SORBS2: variants seen among roughly 807,000 people sequenced by gnomAD.
The protein encoded by SORBS2 is sorbin and SH3 domain containing 2.
In SORBS2, 46 loss-of-function variants were observed where a neutral mutation model predicts 97.7. The observed-to-expected ratio is 0.47, with a 90% confidence interval of 0.37 to 0.60. SORBS2 has a LOEUF of 0.60. SORBS2 is among the 20% of genes least tolerant of loss of function. SORBS2 has a pLI of 0.00. For missense variants in SORBS2, 1,316 were observed against 1,282.3 expected (o/e 1.03, Z -0.40); for synonymous variants, 476 against 473.4 (o/e 1.01, Z -0.07).
chr4:185,868,202 G>C (rs1165421632), intron 1 of SORBS2, among the ~76,000 whole-genome samples: 2 of 121,560 alleles, frequency 1.6e-5, no homozygotes, highest in Non-Finnish European at 3.2e-5. Context: ...TGTCACCCAG[G>C]CTGGAGTGCA....
rs372166711 is a variant in SORBS2 at position 185,858,017 on chromosome 4, C to T, written c.-337-82651G>A. 3.6e-4 allele frequency among the ~76,000 whole-genome samples: 55 copies of T among 152,260 alleles called. 1 individual carries two copies. The South Asian group carries it at 0.01, about 29-fold the overall frequency. On this transcript the variant is annotated intron_variant, in intron 1 of 20. Transcript: ENST00000284776. Reference sequence around the variant, plus strand: ...AAGTATGTGATCTCTGTGACCTACTCCCTGTTCATACATCCCCTCCCTTTT... The same window carrying T: ...AAGTATGTGATCTCTGTGACCTACTTCCTGTTCATACATCCCCTCCCTTTT...
At chr4:185,628,029 T>C (rs1055380021) in intron 5 of SORBS2, among the ~76,000 whole-genome samples, 3 of 152,224 alleles carry the variant, frequency 2.0e-5, no homozygotes, top group African/African-American at 7.2e-5. Context: ...TTTGTATTGC[T>C]GAGTCACATT....
At chr4:185,896,093 G>A (rs1286979291) in intron 1 of SORBS2, among the ~76,000 whole-genome samples, 1 of 152,186 alleles carries the variant, frequency 6.6e-6, no homozygotes, top group Non-Finnish European at 1.5e-5. Flanking sequence ...TTAGGCCAAA[G>A]AATCTCACTT....
chr4:185,628,609 A>G (rs2096856514), intron 5 of SORBS2, among the ~76,000 whole-genome samples: 3 of 152,104 alleles, frequency 2.0e-5, no homozygotes, highest in Admixed American at 6.5e-5. Flanking sequence ...AAAGTTAGCC[A>G]GTTGTGTCAT....
chr4:185,696,141 G>A (rs1268671733), intron 2 of SORBS2, among the ~76,000 whole-genome samples: 1 of 152,126 alleles, frequency 6.6e-6, no homozygotes, highest in Non-Finnish European at 1.5e-5. Context: ...ATGAACATGA[G>A]GCCGTTGATA....
upstream of SORBS2, among the ~76,000 whole-genome samples, chr4:185,659,442 A>G (rs2153472189): frequency 6.8e-6 from 1 of 146,518 alleles, no homozygotes; most frequent in Middle Eastern, 3.5e-3. Context: ...TTTGAGACGG[A>G]GTCTTGCTCA....
chr4:185,853,223 G>C (rs952838470), intron 1 of SORBS2, among the ~76,000 whole-genome samples: 4 of 152,164 alleles, frequency 2.6e-5, no homozygotes, highest in Non-Finnish European at 2.9e-5. Context: ...ACCATCTGGG[G>C]AGTGAGGTAT....
chr4:185,676,566 G>A (rs188622749), intron 4 of SORBS2, among the ~76,000 whole-genome samples: 122 of 152,256 alleles, frequency 8.0e-4, no homozygotes, highest in Non-Finnish European at 1.5e-3. Context: ...CCCTGCCAAA[G>A]CAAATTATAA....
intron 4 of SORBS2, among the ~76,000 whole-genome samples, chr4:185,644,704 C>T (rs949121414): frequency 3.3e-5 from 5 of 152,174 alleles, no homozygotes; most frequent in African/African-American, 9.7e-5. Context: ...GCATAAATTA[C>T]TAATTACAGC....
Position 185,606,674 on chromosome 4 carries a change from TCTC to T in SORBS2, c.2796+5103_2796+5105del, listed in dbSNP as rs145941911. On this transcript the variant is annotated intron_variant, in intron 12 of 14. Coordinates refer to ENST00000418609, the Ensembl canonical transcript of SORBS2. The surrounding 1 kb of genome is among the most constrained non-coding windows in gnomAD (Gnocchi z 4.3). ...ATGGGGTGTTTTAGGCAGTTGGGTT[TCTC>T]CTCCTCCTCCTCCTCTTCAATGTGC... 196 of 982,932 alleles carry T rather than the reference TCTC, an allele frequency of 2.0e-4. No homozygotes were observed. The highest frequency in any genetic ancestry group is 5.2e-4 in the Middle Eastern group (1 of 1,914). 60.9% of individuals were successfully genotyped at this position (982,932 alleles called of 1,614,324 possible). A position where few individuals can be genotyped will look rare whatever the true frequency, so the allele number is the denominator to read the frequency against.
intron 1 of SORBS2, among the ~76,000 whole-genome samples, chr4:185,818,700 C>G (rs2099194813): frequency 1.3e-5 from 2 of 151,906 alleles, no homozygotes; most frequent in Admixed American, 1.3e-4. Context: ...GTGGTGGGCG[C>G]CTGTAGTCCC....
intron 1 of SORBS2, among the ~76,000 whole-genome samples, chr4:185,890,221 A>G (rs1349690855): frequency 6.6e-6 from 1 of 152,162 alleles, no homozygotes; most frequent in Non-Finnish European, 1.5e-5. Context: ...TTAATATATC[A>G]CTTTTTTGTA....
chr4:185,646,406 CAT>C (rs2097208452), intron 4 of SORBS2: 1 of 314,566 alleles, frequency 3.2e-6, no homozygotes, highest in African/African-American at 2.4e-5. Flanking sequence ...TATACACCTG[CAT>C]GTGTGTGTGT....
At chr4:185,713,458 A>T (rs902611026) in intron 2 of SORBS2, among the ~76,000 whole-genome samples, 1 of 152,170 alleles carries the variant, frequency 6.6e-6, no homozygotes, top group African/African-American at 2.4e-5. Context: ...AAGAGCAGAG[A>T]CTTTCATCAG....
At chr4:185,592,377 T>G (rs772646629) in intron 13 of SORBS2, among the ~76,000 whole-genome samples, 3 of 152,224 alleles carry the variant, frequency 2.0e-5, no homozygotes, top group Non-Finnish European at 2.9e-5. Context: ...TAACATATCT[T>G]TCATTCATAA....
intron 1 of SORBS2, among the ~76,000 whole-genome samples, chr4:185,914,010 G>T (rs554741837): frequency 6.6e-6 from 1 of 152,114 alleles, no homozygotes; most frequent in Non-Finnish European, 1.5e-5. Flanking sequence ...AATATGTTCA[G>T]TTATTGACAC....
intron 12 of SORBS2, among the ~76,000 whole-genome samples, chr4:185,601,479 C>G (rs958399647): frequency 6.6e-6 from 1 of 152,214 alleles, no homozygotes; most frequent in African/African-American, 2.4e-5. Context: ...GGAAGCTTCT[C>G]TCTGAGGATG....
At chr4:185,853,090 C>T (rs893354694) in intron 1 of SORBS2, among the ~76,000 whole-genome samples, 1 of 152,130 alleles carries the variant, frequency 6.6e-6, no homozygotes, top group Non-Finnish European at 1.5e-5. Context: ...AATACCTTCT[C>T]CCTGCACATG....
intron 2 of SORBS2, among the ~76,000 whole-genome samples, chr4:185,700,300 C>T (rs149225481): frequency 1.6e-4 from 23 of 141,008 alleles, no homozygotes; most frequent in Admixed American, 7.8e-4. Context: ...TGAGTCTGTG[C>T]GTGAGTCAGG....
Sources: gnomAD v4.1 joint callset for allele counts (sites outside exome capture counted in the v4.1 genomes callset) on GRCh38, gnomAD v4.1.1 for gene constraint, Gnocchi (gnomAD v3.1) non-coding constraint, MANE v1.5 for transcripts, NCBI Gene and HGNC (gene_info 2026-07-23, HGNC 2026-07-21) for gene names.